The following SNX29 variants were observed in gnomAD, a reference collection of about 807,000 sequenced individuals.
The protein encoded by SNX29 is sorting nexin 29.
In SNX29, 78 loss-of-function variants were observed where a neutral mutation model predicts 102.1. That is an observed-to-expected ratio of 0.76 (90% CI 0.64 to 0.92). SNX29 has a LOEUF of 0.92. SNX29 is among the 40% of genes least tolerant of loss of function. SNX29 has a pLI of 0.00. For missense variants in SNX29, 1,280 were observed against 1,061.7 expected, an observed-to-expected ratio of 1.21 and a Z score of -2.86; for synonymous variants, 580 against 414.5, an observed-to-expected ratio of 1.40 and a Z score of -4.85.
At chr16:12,199,849 CG>C (rs1173222794) in intron 14 of SNX29, among the ~76,000 whole-genome samples, 166 bp downstream of exon 14, 12 of 152,206 alleles carry the variant, frequency 7.9e-5, no homozygotes, top group African/African-American at 2.9e-4. Context: ...AAACCTGATG[CG>C]TATCCCTGCA....
At chr16:12,036,409 A>G (rs1596654541) in intron 4 of SNX29, among the ~76,000 whole-genome samples, 1 of 139,056 alleles carries the variant, frequency 7.2e-6, no homozygotes, top group Non-Finnish European at 1.5e-5. Flanking sequence ...ATCTCGGCTC[A>G]CTGCCAGCTC....
intron 7 of SNX29, among the ~76,000 whole-genome samples, chr16:12,049,081 T>C (rs1470850202): frequency 6.6e-6 from 1 of 152,142 alleles, no homozygotes; most frequent in East Asian, 1.9e-4. Context: ...AAGCCAAGCA[T>C]AGACTGCTAT....
chr16:12,348,490 T>A (rs542610287), intron 15 of SNX29, among the ~76,000 whole-genome samples: 1 of 152,334 alleles, frequency 6.6e-6, no homozygotes, highest in South Asian at 2.1e-4. Context: ...CTCTGCCTGC[T>A]GATGGCAGCC....
At chr16:12,105,226 TC>T (rs1567210214) in intron 11 of SNX29, among the ~76,000 whole-genome samples, 1,389 of 102,464 alleles carry the variant, frequency 0.014, 67 homozygotes, top group Admixed American at 0.12. Context: ...CCTCCCTCCC[TC>T]CCTTCCTTCC....
At chr16:12,357,132 A>C (rs1433021943) in intron 16 of SNX29, among the ~76,000 whole-genome samples, 1 of 152,202 alleles carries the variant, frequency 6.6e-6, no homozygotes, top group Non-Finnish European at 1.5e-5. Context: ...TAGCTTCCTC[A>C]TTTTACAACT....
At chr16:11,986,290 C>T (rs567392323) in intron 1 of SNX29, among the ~76,000 whole-genome samples, 9 of 150,926 alleles carry the variant, frequency 6.0e-5, no homozygotes, top group South Asian at 2.1e-4. Flanking sequence ...CCGCTTCCTC[C>T]GAGGAGGGAA....
intron 14 of SNX29, among the ~76,000 whole-genome samples, chr16:12,268,352 A>C (rs919867856): frequency 2.6e-5 from 4 of 152,170 alleles, no homozygotes; most frequent in South Asian, 4.1e-4. Flanking sequence ...TGTAGGAACT[A>C]AATGAAATAC....
chr16:12,311,582 C>A (rs147823718), intron 15 of SNX29, among the ~76,000 whole-genome samples: 39 of 152,382 alleles, frequency 2.6e-4, no homozygotes, highest in Admixed American at 2.5e-3. Context: ...GGCCCGTCCG[C>A]CTTTAGGTCT....
chr16:12,052,755 T>G (rs1160017843), intron 8 of SNX29: 7 of 165,454 alleles, frequency 4.2e-5, no homozygotes, highest in Admixed American at 3.9e-4. Flanking sequence ...TGCCTTGAAA[T>G]TCTTGCTTTA....
chr16:12,036,556 G>C (rs1242760856), intron 4 of SNX29, among the ~76,000 whole-genome samples: 2 of 152,004 alleles, frequency 1.3e-5, no homozygotes, highest in Non-Finnish European at 2.9e-5. Context: ...GGATGGTCTC[G>C]ATCTCCTGAC....
chr16:12,245,388 G>A (rs1266979007), intron 14 of SNX29, among the ~76,000 whole-genome samples: 1 of 151,762 alleles, frequency 6.6e-6, no homozygotes, highest in Non-Finnish European at 1.5e-5. Flanking sequence ...CAGTAACTGT[G>A]ACTGCTACTT....
At chr16:12,444,268 CTCAGTATAGCACCTAGCAT>C (rs1300938164) in intron 18 of SNX29, among the ~76,000 whole-genome samples, 8 of 21,048 alleles carry the variant, frequency 3.8e-4, no homozygotes, top group African/African-American at 1.8e-3. Context: ...GTAGTAAGCA[CTCAGTATAGCACCTAGCAT>C]GTAGTAAGCA....
chr16:12,500,977 C>T (rs2089092588), intron 19 of SNX29, among the ~76,000 whole-genome samples: 1 of 152,178 alleles, frequency 6.6e-6, no homozygotes, highest in South Asian at 2.1e-4. Context: ...GGCAGAGTGA[C>T]TGTGTGTTAT....
At chr16:12,387,276 C>T (rs980289875) in intron 16 of SNX29, among the ~76,000 whole-genome samples, 11 of 152,258 alleles carry the variant, frequency 7.2e-5, no homozygotes, top group African/African-American at 1.7e-4. Flanking sequence ...ATCACACAAC[C>T]GAATGGTCCT....
At chr16:12,288,162 T>G (rs2079660992) in intron 15 of SNX29, among the ~76,000 whole-genome samples, 1 of 152,102 alleles carries the variant, frequency 6.6e-6, no homozygotes, top group African/African-American at 2.4e-5. Context: ...GGGACTTGAC[T>G]CCAGAGGCGG....
chr16:12,527,315 C>T (rs1225466946), intron 20 of SNX29: 2 of 531,052 alleles, frequency 3.8e-6, no homozygotes, highest in Admixed American at 2.2e-5. Flanking sequence ...AGCGAGACTG[C>T]TGTCTCAGCT....
intron 18 of SNX29, among the ~76,000 whole-genome samples, chr16:12,415,910 A>T (rs954750115): frequency 1.3e-5 from 2 of 152,114 alleles, no homozygotes; most frequent in African/African-American, 4.8e-5. Flanking sequence ...TGGGGAGATC[A>T]TCTTGTCGGG....
chr16:12,498,885 T>G (rs1398512590), intron 19 of SNX29, among the ~76,000 whole-genome samples: 1 of 152,076 alleles, frequency 6.6e-6, no homozygotes, highest in African/African-American at 2.4e-5. Flanking sequence ...GATGGTAGGT[T>G]TTTCAGAAGC....
intron 9 of SNX29, among the ~76,000 whole-genome samples, chr16:12,067,928 G>T (rs761996552): frequency 6.6e-6 from 1 of 152,202 alleles, no homozygotes; most frequent in South Asian, 2.1e-4. Flanking sequence ...TCCCTAGCCC[G>T]TTAGTTCCAG....
Sources: allele counts gnomAD v4.1 joint callset (sites outside exome capture counted in the v4.1 genomes callset), GRCh38; gene constraint gnomAD v4.1.1; transcripts MANE v1.5; gene names NCBI Gene and HGNC (gene_info 2026-07-23, HGNC 2026-07-21).